BRINP3: variants seen among roughly 807,000 people sequenced by gnomAD.
BRINP3 encodes BMP/retinoic acid-inducible neural-specific protein 3.
BRINP3 carries 19 observed loss-of-function variants against 71.0 expected under a neutral mutation model. That is an observed-to-expected ratio of 0.27 (90% confidence interval 0.19 to 0.39). BRINP3 has a LOEUF of 0.39. Among genes scored for constraint, BRINP3 ranks in the 10% least tolerant of loss-of-function variants. The pLI is 1.00. For synonymous variants in BRINP3, 380 were observed against 337.7 expected (o/e 1.13, Z -1.37); for missense variants, 959 against 940.8 (o/e 1.02, Z -0.25).
At chr1:190,277,414 G>C (rs1244198823) in intron 3 of BRINP3, among the ~76,000 whole-genome samples, 1 of 151,270 alleles carries the variant, frequency 6.6e-6, no homozygotes, top group Non-Finnish European at 1.5e-5. Context: ...ACTATGACTG[G>C]TTGGATAACG....
chr1:190,282,466 C>T (rs1483569811), intron 2 of BRINP3, among the ~76,000 whole-genome samples: 3 of 151,848 alleles, frequency 2.0e-5, no homozygotes, highest in Non-Finnish European at 2.9e-5. Context: ...TTATAGCAAA[C>T]TGCATCTGAT....
chr1:190,216,137 T>A (rs1222762636), intron 6 of BRINP3, among the ~76,000 whole-genome samples: 1 of 151,798 alleles, frequency 6.6e-6, no homozygotes, highest in Non-Finnish European at 1.5e-5. Context: ...ACAAGTCTTT[T>A]GGTTTTAATC....
At chr1:190,420,836 G>T (rs1332963579) in intron 2 of BRINP3, among the ~76,000 whole-genome samples, 1 of 151,742 alleles carries the variant, frequency 6.6e-6, no homozygotes, top group Admixed American at 6.6e-5. Flanking sequence ...CATGCATAAA[G>T]GAGAATGTTA....
intron 2 of BRINP3, among the ~76,000 whole-genome samples, chr1:190,454,390 A>G (rs2102627365): frequency 6.6e-6 from 1 of 152,300 alleles, no homozygotes; most frequent in Non-Finnish European, 1.5e-5. Context: ...CGGCTTCCAA[A>G]TACATTGCCA....
At chr1:190,217,766 A>G (rs1036872672) in intron 6 of BRINP3, among the ~76,000 whole-genome samples, 2 of 152,026 alleles carry the variant, frequency 1.3e-5, no homozygotes, top group African/African-American at 4.8e-5. Flanking sequence ...TTTTCCCAAT[A>G]TCGACATAAC....
intron 5 of BRINP3, among the ~76,000 whole-genome samples, chr1:190,229,823 A>G (rs1657785721): frequency 6.6e-6 from 1 of 152,014 alleles, no homozygotes; most frequent in Non-Finnish European, 1.5e-5. Context: ...ATATTTTTAT[A>G]AATTTTCACT....
intron 2 of BRINP3, among the ~76,000 whole-genome samples, chr1:190,400,854 C>T (rs765708057): frequency 1.3e-5 from 2 of 152,116 alleles, no homozygotes; most frequent in African/African-American, 4.8e-5. Flanking sequence ...TTTAGATAAA[C>T]ATATAGTGCA....
intron 7 of BRINP3, among the ~76,000 whole-genome samples, chr1:190,154,266 G>A (rs536486334): frequency 7.3e-4 from 111 of 152,202 alleles, no homozygotes; most frequent in Middle Eastern, 6.8e-3. Flanking sequence ...TGAAACTCAG[G>A]GTTGTACTAG....
rs368050022 is a variant in BRINP3, at chr1:190,252,774, T to TTTATTA, written c.618+12085_618+12090dup. Among the ~76,000 whole-genome samples the TTTATTA allele has an allele frequency of 6.2e-3, 932 of 150,884 alleles. 9 individuals carry two copies. The highest frequency in any genetic ancestry group is 0.021 in the African/African-American group (860 of 41,182). On this transcript the variant is annotated intron_variant, in intron 4 of 7. Transcript: ENST00000367462. ...GTTGCATAGCACTTTCAGATGCTAG[T>TTTATTA]TTATTATTATTATTATTATTATTAT... is the stretch of plus-strand genomic sequence containing the variant.
intron 1 of BRINP3, among the ~76,000 whole-genome samples, chr1:190,457,866 A>C (rs529086280): frequency 1.3e-5 from 2 of 151,450 alleles, no homozygotes; most frequent in South Asian, 4.2e-4. Context: ...CTTTCTTATC[A>C]CTTTCTTTAT....
intron 7 of BRINP3, among the ~76,000 whole-genome samples, chr1:190,104,037 G>A (rs17375171): frequency 0.056 from 8,439 of 151,640 alleles, 334 homozygotes; most frequent in Non-Finnish European, 0.083. Context: ...TTAGAATGAA[G>A]ACAAACTCAG....
chr1:190,452,471 G>A (rs1253668052), intron 2 of BRINP3, among the ~76,000 whole-genome samples: 2 of 152,100 alleles, frequency 1.3e-5, no homozygotes, highest in African/African-American at 2.4e-5. Flanking sequence ...GAATATATGC[G>A]CCTTGCAAAC....
intron 2 of BRINP3, among the ~76,000 whole-genome samples, chr1:190,373,339 G>A (rs1009391642): frequency 1.3e-5 from 2 of 151,800 alleles, no homozygotes; most frequent in African/African-American, 4.8e-5. Flanking sequence ...GCAGTGAGCC[G>A]AGATAGCGCC....
At chr1:190,312,827 T>G (rs1665627574) in intron 2 of BRINP3, among the ~76,000 whole-genome samples, 1 of 151,870 alleles carries the variant, frequency 6.6e-6, no homozygotes, top group Non-Finnish European at 1.5e-5. Flanking sequence ...GGTTATTTCT[T>G]TCATAGTCTC....
intron 6 of BRINP3, among the ~76,000 whole-genome samples, chr1:190,162,392 C>T (rs1651081317): frequency 6.6e-6 from 1 of 152,052 alleles, no homozygotes; most frequent in Non-Finnish European, 1.5e-5. Context: ...GAAACCCCAT[C>T]TCTGCCTCCC....
At chr1:190,099,709 T>C (rs1651528559) in intron 7 of BRINP3, among the ~76,000 whole-genome samples, 1 of 152,190 alleles carries the variant, frequency 6.6e-6, no homozygotes, top group Non-Finnish European at 1.5e-5. Flanking sequence ...TCATCAACAT[T>C]GAAAGAACAA....
chr1:190,103,624 T>C (rs1651888028), intron 7 of BRINP3, among the ~76,000 whole-genome samples: 1 of 151,994 alleles, frequency 6.6e-6, no homozygotes, highest in African/African-American at 2.4e-5. Context: ...TTATTAGGGA[T>C]TCCTTAAATA....
intron 7 of BRINP3, among the ~76,000 whole-genome samples, chr1:190,158,234 C>T (rs572409974): frequency 1.1e-3 from 175 of 152,200 alleles, no homozygotes; most frequent in Non-Finnish European, 2.1e-3. Flanking sequence ...TGCACAAGTT[C>T]TCTCTTTGCC....
Position 190,177,998 on chromosome 1 carries a change from G to A in BRINP3, c.962-17108C>T, listed in dbSNP as rs185891323. 2.6e-5 allele frequency among the ~76,000 whole-genome samples: 4 copies of A among 152,242 alleles called. No homozygotes were observed. The East Asian group carries it at 7.7e-4, about 29-fold the overall frequency. ...TATTAAGTATTATAAATAATCTAGA[G>A]ATGATTTAAAGCTTATAAGAGGATT... On this transcript the variant is annotated intron_variant, in intron 6 of 7. Coordinates refer to ENST00000367462, the MANE Select transcript of BRINP3 (RefSeq NM_199051.3).
Sources: gnomAD v4.1 joint callset for allele counts (sites outside exome capture counted in the v4.1 genomes callset) on GRCh38, gnomAD v4.1.1 for gene constraint, MANE v1.5 for transcripts, NCBI Gene and HGNC (gene_info 2026-07-23, HGNC 2026-07-21) for gene names.